The following ABLIM2 variants were observed in gnomAD, a reference collection of about 807,000 sequenced individuals.
The protein encoded by ABLIM2 is actin binding LIM protein family member 2, also known as actin-binding LIM protein 2.
A neutral mutation model predicts 97.7 loss-of-function variants in ABLIM2; 53 were observed. The observed-to-expected ratio is 0.54, with a 90% CI of 0.44 to 0.68. The LOEUF (loss-of-function observed/expected upper bound fraction) is 0.68, where lower values mean the gene tolerates loss of function less well. Among genes scored for constraint, ABLIM2 ranks in the 30% least tolerant of loss-of-function variants. The probability of loss-of-function intolerance (pLI) is 0.00; values close to 1 mark genes in which losing one functional copy is unlikely to be tolerated. For missense variants in ABLIM2, 835 were observed against 867.2 expected, an observed-to-expected ratio of 0.96 and a Z score of 0.47; for synonymous variants, 361 against 345.8, an observed-to-expected ratio of 1.04 and a Z score of -0.49.
At chr4:8,097,309 TA>T (rs956484838) in intron 2 of ABLIM2, 27 bp from the exon 3 acceptor site, 1 of 1,550,276 alleles carries the variant, frequency 6.5e-7, no homozygotes, top group African/African-American at 1.4e-5. Flanking sequence ...GAGGTGGCGT[TA>T]GCGGCAGAGG....
rs144233147 is a variant in ABLIM2 at position 8,038,553 on chromosome 4, G to A, written c.901-2258C>T. Reference sequence around the variant, plus strand: ...TTCAGCCCCCTACTCCAGCTTTCCTGTATTCTTCAGGGTCTGTTAGCCTCC... The same window carrying A: ...TTCAGCCCCCTACTCCAGCTTTCCTATATTCTTCAGGGTCTGTTAGCCTCC... On this transcript the variant is annotated intron_variant, in intron 9 of 20. Coordinates refer to ENST00000447017, the MANE Select transcript of ABLIM2 (RefSeq NM_001130083.2). Among the ~76,000 whole-genome samples the A allele has an allele frequency of 7.4e-3, 1,133 of 152,256 alleles. 15 individuals are homozygous for A. Among genetic ancestry groups the A allele is most frequent in the African/African-American group, 0.025 (1,051 of 41,530 alleles).
intron 2 of ABLIM2, among the ~76,000 whole-genome samples, chr4:8,102,718 C>T (rs140220140): frequency 2.0e-5 from 3 of 152,294 alleles, no homozygotes; most frequent in African/African-American, 4.8e-5. Context: ...CAAGTAAGTG[C>T]CTGGGTAGTG....
chr4:8,058,946 C>T lies in ABLIM2; in HGVS notation c.763+2021G>A, dbSNP rs775872425. ...CAGTTCAGCAAGAAGCCCAGTACCT[C>T]GAGCGACTTTCCACCTGCTGCCCCA... On this transcript the variant is annotated intron_variant, in intron 7 of 20. Coordinates refer to ENST00000447017, the MANE Select transcript of ABLIM2 (RefSeq NM_001130083.2). The surrounding 1 kb of genome is among the most constrained non-coding windows in gnomAD (Gnocchi z 4.2). Among the ~76,000 whole-genome samples the T allele has an allele frequency of 4.8e-4, 73 of 152,262 alleles. No homozygotes were observed. The highest frequency in any genetic ancestry group is 3.4e-3 in the Middle Eastern group (1 of 294).
chr4:8,077,416 G>A (rs1816913962), intron 6 of ABLIM2, among the ~76,000 whole-genome samples: 1 of 152,232 alleles, frequency 6.6e-6, no homozygotes, highest in Admixed American at 6.5e-5. Flanking sequence ...ACAGAAGAGA[G>A]CATCACAAGG....
intron 1 of ABLIM2, among the ~76,000 whole-genome samples, chr4:8,107,060 C>T (rs1837816894): frequency 6.6e-6 from 1 of 152,254 alleles, no homozygotes; most frequent in South Asian, 2.1e-4. Flanking sequence ...AGCTCAGTAA[C>T]CCTCAGCAGC....
At chr4:8,040,943 C>T (rs1788046925) in intron 9 of ABLIM2, among the ~76,000 whole-genome samples, 1 of 152,206 alleles carries the variant, frequency 6.6e-6, no homozygotes, top group Non-Finnish European at 1.5e-5. Flanking sequence ...GACGTGGGCA[C>T]ACTGATGGCA....
chr4:8,007,056 C>A (rs1761920050), intron 16 of ABLIM2: 1 of 985,426 alleles, frequency 1.0e-6, no homozygotes, highest in African/African-American at 1.7e-5. Flanking sequence ...TTTAACACAT[C>A]ATCATTTCCA....
intron 1 of ABLIM2, among the ~76,000 whole-genome samples, chr4:8,138,230 T>C (rs1418995060): frequency 6.6e-6 from 1 of 152,122 alleles, no homozygotes; most frequent in Non-Finnish European, 1.5e-5. Flanking sequence ...GTTCTATGGA[T>C]AGACAGTGAT....
chr4:8,064,474 A>T (rs1178982661), intron 6 of ABLIM2, among the ~76,000 whole-genome samples: 1 of 152,242 alleles, frequency 6.6e-6, no homozygotes, highest in Non-Finnish European at 1.5e-5. Context: ...GACTCTGCAG[A>T]AAGTTCCCAA....
intron 1 of ABLIM2, among the ~76,000 whole-genome samples, chr4:8,126,729 G>A (rs887485579): frequency 1.6e-4 from 24 of 152,022 alleles, no homozygotes; most frequent in African/African-American, 5.1e-4. Context: ...ACCCCTTCCT[G>A]CCAGATGCCA....
intron 4 of ABLIM2, among the ~76,000 whole-genome samples, chr4:8,086,544 C>T (rs569392409): frequency 1.3e-5 from 2 of 152,210 alleles, no homozygotes; most frequent in East Asian, 3.9e-4. Flanking sequence ...GACAGGGCCT[C>T]ACCATGTCCA....
chr4:8,040,374 G>T (rs1194674484), intron 9 of ABLIM2, among the ~76,000 whole-genome samples: 2 of 152,152 alleles, frequency 1.3e-5, no homozygotes, highest in Non-Finnish European at 2.9e-5. Context: ...ACTTTGGGAG[G>T]CCAAGGTAGG....
At position 8,008,840 on chromosome 4, in the gene ABLIM2, C is replaced by T. The variant is rs73214088; in HGVS notation, c.1476+210G>A. On this transcript the variant is annotated intron_variant, in intron 15 of 20. Transcript: ENST00000447017. ...GTCACAGAACCATAACCAAGTCACA[C>T]GGGCATATACCCAGGACCTCGGTAG... 4.9e-3 allele frequency among the ~76,000 whole-genome samples: 746 copies of T among 152,274 alleles called. 3 individuals are homozygous for T. Among genetic ancestry groups the T allele is most frequent in the Non-Finnish European group, 7.4e-3 (506 of 68,032 alleles).
intron 3 of ABLIM2, among the ~76,000 whole-genome samples, chr4:8,093,586 T>C (rs1302413578): frequency 1.3e-5 from 2 of 152,202 alleles, no homozygotes; most frequent in South Asian, 2.1e-4. Flanking sequence ...AGAAATCCCA[T>C]ACCCTTTAGC....
chr4:8,097,271 C>T lies in ABLIM2; in HGVS notation c.166G>A (p.Asp56Asn), dbSNP rs759830147. 4.5e-6 allele frequency: 7 copies of T among 1,562,060 alleles called. No homozygotes were observed. Among genetic ancestry groups the T allele is most frequent in the African/African-American group, 2.7e-5 (2 of 73,428 alleles). The change falls in exon 3 of 21, where the codon GAC becomes AAC. Residue 56 changes from aspartate (D) to asparagine (N), a missense_variant. Coordinates refer to ENST00000447017, the MANE Select transcript of ABLIM2 (RefSeq NM_001130083.2). ...ACGAAGAAGCCGCCCTCGGCCAGGT[C>T]GCAGCCACATGCTGGGGGAGGACGG... is the stretch of plus-strand genomic sequence containing the variant. ...KCFVCKACGC[D>N]LAEGGFFVRQ... is the part of the protein sequence containing the mutation.
rs1361647100 is a variant in ABLIM2, at chr4:7,996,780, G to T, written c.1619-3853C>A. Among the ~76,000 whole-genome samples, 1 of 152,198 alleles carries T rather than the reference G, an allele frequency of 6.6e-6. No individual in the cohort carries two copies. The highest frequency in any genetic ancestry group is 1.5e-5 in the Non-Finnish European group (1 of 68,050). ...ACTGAACACAGGATTCATGCGGACA[G>T]TTCTGCTCTTTCAGCACGTGAAAGA... On this transcript the variant is annotated intron_variant, in intron 16 of 20. Coordinates refer to ENST00000447017, the MANE Select transcript of ABLIM2 (RefSeq NM_001130083.2). This position sits in a 1 kb window ranked among gnomAD's most constrained non-coding sequence, Gnocchi z 4.5.
chr4:7,969,288 T>C (rs1725606078), intron 20 of ABLIM2, among the ~76,000 whole-genome samples: 1 of 152,020 alleles, frequency 6.6e-6, no homozygotes, highest in South Asian at 2.1e-4. Context: ...ACTCCATCTC[T>C]ACAAAAATTA....
rs535526045 is a variant in ABLIM2, at chr4:8,007,749, G to A, written c.1618+310C>T. 2.2e-4 allele frequency: 248 copies of A among 1,124,046 alleles called. 1 individual carries two copies. The African/African-American group carries it at 3.2e-3, about 15-fold the overall frequency. The allele number at this position is 1,124,046 out of a possible 1,614,324, so 69.6% of individuals were successfully genotyped here. On this transcript the variant is annotated intron_variant, in intron 16 of 20. Coordinates refer to ENST00000447017, the MANE Select transcript of ABLIM2 (RefSeq NM_001130083.2). ...GGCCCTGACTTCCACCCGGCAGCCC[G>A]GACGCCTTTCTCCTAAACAGCCCAG...
intron 7 of ABLIM2, among the ~76,000 whole-genome samples, chr4:8,056,133 A>AAAAAAAAAAAAAAAG (rs1340885577): frequency 7.2e-6 from 1 of 139,796 alleles, no homozygotes; most frequent in Non-Finnish European, 1.6e-5. Flanking sequence ...AAAAAAAAAA[A>AAAAAAAAAAAAAAAG]AAAAAAGTAA....
Sources: allele counts gnomAD v4.1 joint callset (sites outside exome capture counted in the v4.1 genomes callset), GRCh38; gene constraint gnomAD v4.1.1; non-coding constraint Gnocchi (gnomAD v3.1); transcripts MANE v1.5; gene names NCBI Gene and HGNC (gene_info 2026-07-23, HGNC 2026-07-21).